The following DTNB variants were observed in gnomAD, a reference collection of about 807,000 sequenced individuals.
The protein encoded by DTNB is dystrobrevin beta, also known as DTN-B.
A neutral mutation model predicts 90.7 loss-of-function variants in DTNB; 63 were observed. The observed-to-expected ratio is 0.69, with a 90% CI of 0.57 to 0.86. DTNB has a LOEUF of 0.86. Ranked by LOEUF, DTNB falls within the 40% of genes least tolerant of loss-of-function variation. The pLI is 0.00. For missense variants in DTNB, 744 were observed against 807.1 expected, an observed-to-expected ratio of 0.92 and a Z score of 0.95; for synonymous variants, 277 against 286.7, an observed-to-expected ratio of 0.97 and a Z score of 0.34.
chr2:25,538,085 T>G (rs535570845), intron 8 of DTNB, among the ~76,000 whole-genome samples: 36 of 152,302 alleles, frequency 2.4e-4, no homozygotes, highest in African/African-American at 8.4e-4. Context: ...ACAGGTTATA[T>G]TTTTAAAATA....
intron 8 of DTNB, among the ~76,000 whole-genome samples, chr2:25,534,469 G>T (rs558278230): frequency 6.6e-6 from 1 of 151,440 alleles, no homozygotes; most frequent in African/African-American, 2.4e-5. Context: ...TTTTCTTTTC[G>T]ACAAAACCGC....
chr2:25,577,141 A>C, intron 7 of DTNB, 137 bp from the exon 8 acceptor site: 1 of 1,084,086 alleles, frequency 9.2e-7, no homozygotes, highest in Non-Finnish European at 1.3e-6. Flanking sequence ...ACAAAGGTAA[A>C]AATAAAAGTA....
chr2:25,433,540 G>A (rs1467730803), intron 13 of DTNB, among the ~76,000 whole-genome samples: 1 of 150,776 alleles, frequency 6.6e-6, no homozygotes, highest in African/African-American at 2.4e-5. Context: ...TTTTTTTTAA[G>A]GAGAGACCAG....
chr2:25,579,217 C>T (rs534141147), intron 7 of DTNB, among the ~76,000 whole-genome samples: 54 of 152,240 alleles, frequency 3.5e-4, no homozygotes, highest in African/African-American at 1.2e-3. Flanking sequence ...AAAAGCATTG[C>T]TCTCCAAAAT....
intron 9 of DTNB, among the ~76,000 whole-genome samples, chr2:25,513,751 C>CAAAAAAAAAAAAAAAAAAACA (rs766882625): frequency 9.4e-6 from 1 of 106,946 alleles, no homozygotes. Flanking sequence ...ACAAAACAAC[C>CAAAAAAAAAAAAAAAAAAACA]AAAAAAAAAA....
rs140720984 is a variant in DTNB at position 25,557,562 on chromosome 2, G to A, written c.876+19276C>T. 1.8e-3 allele frequency among the ~76,000 whole-genome samples: 278 copies of A among 152,218 alleles called. 2 individuals carry two copies. Among genetic ancestry groups the A allele is most frequent in the African/African-American group, 6.4e-3 (267 of 41,518 alleles). ...ACAGTGTTTTCCAAAGTTTTCTCAA[G>A]ATAAAAAATGTCCAGGGCCTTTGTT... On this transcript the variant is annotated intron_variant, in intron 8 of 20. Transcript: ENST00000406818.
At chr2:25,647,931 G>C (rs72852677) in intron 2 of DTNB, among the ~76,000 whole-genome samples, 1,750 of 151,988 alleles carry the variant, frequency 0.012, 34 homozygotes, top group African/African-American at 0.041. Context: ...TAAGTTGTTA[G>C]AAAAATAACA....
intron 10 of DTNB, among the ~76,000 whole-genome samples, chr2:25,472,886 CTAAA>C (rs1000632217): frequency 3.3e-5 from 5 of 152,272 alleles, no homozygotes; most frequent in Non-Finnish European, 7.4e-5. Context: ...AACTCCATCC[CTAAA>C]TAAATAAATA....
At position 25,441,208 on chromosome 2, in the gene DTNB, T is replaced by C. The variant is rs540968275; in HGVS notation, c.1258-7213A>G. ...AGTGAACATCCTAAGGCAATCTGTA[T>C]TGAACCAGGTTCACTCCAAAAACCC... On this transcript the variant is annotated intron_variant, in intron 12 of 20. Coordinates refer to ENST00000406818, the MANE Select transcript of DTNB (RefSeq NM_021907.5). Among the ~76,000 whole-genome samples the C allele has an allele frequency of 7.2e-5, 11 of 152,340 alleles. No individual in the cohort carries two copies. In the South Asian group the frequency reaches 1.7e-3, roughly 23 times the overall value.
chr2:25,458,255 A>G (rs544675110), intron 10 of DTNB, among the ~76,000 whole-genome samples: 2 of 152,334 alleles, frequency 1.3e-5, no homozygotes, highest in East Asian at 3.8e-4. Context: ...GTTTAGAAAT[A>G]ACTACAAAAA....
chr2:25,585,526 T>TC (rs2148267646), intron 6 of DTNB, among the ~76,000 whole-genome samples: 1 of 152,284 alleles, frequency 6.6e-6, no homozygotes, highest in South Asian at 2.1e-4. Context: ...CTTGACTACC[T>TC]CTTCCCATTT....
chr2:25,405,027 T>C (rs2044731594), intron 16 of DTNB, among the ~76,000 whole-genome samples: 1 of 152,126 alleles, frequency 6.6e-6, no homozygotes, highest in Admixed American at 6.5e-5. Context: ...CACCACAGCC[T>C]TGACCTCCTG....
chr2:25,526,689 C>A (rs912286290), intron 9 of DTNB, among the ~76,000 whole-genome samples: 4 of 151,990 alleles, frequency 2.6e-5, no homozygotes, highest in African/African-American at 9.7e-5. Context: ...AGCCACCATG[C>A]CCAGCCATAA....
At chr2:25,524,230 A>C (rs1216689372) in intron 9 of DTNB, among the ~76,000 whole-genome samples, 2 of 151,974 alleles carry the variant, frequency 1.3e-5, no homozygotes, top group Non-Finnish European at 2.9e-5. Flanking sequence ...CTTCTGATTG[A>C]TCTTGGTATC....
At chr2:25,509,916 A>G (rs1043421308) in intron 9 of DTNB, among the ~76,000 whole-genome samples, 1 of 151,756 alleles carries the variant, frequency 6.6e-6, no homozygotes. Flanking sequence ...ACACCTGGCT[A>G]ATTTTTGTAT....
intron 9 of DTNB, among the ~76,000 whole-genome samples, chr2:25,502,962 G>C (rs2071171351): frequency 7.0e-6 from 1 of 143,674 alleles, no homozygotes; most frequent in Non-Finnish European, 1.5e-5. Context: ...GCTGAAGTGG[G>C]AAGATCACCT....
At position 25,596,089 on chromosome 2, in the gene DTNB, C is replaced by A; in HGVS notation, c.600G>T (p.Gln200His). The A allele has an allele frequency of 1.2e-6, 2 of 1,603,136 alleles. No homozygotes were observed. The highest frequency in any genetic ancestry group is 2.3e-5 in the South Asian group (2 of 88,854). ...GATTCTATAAAACTGTCCTTACCTGCTGTGGAAAACAGGTGCGGACTGAGT... is the reference window on the plus strand; with the variant it reads ...GATTCTATAAAACTGTCCTTACCTGATGTGGAAAACAGGTGCGGACTGAGT... ...TEHSVRTCFPQQRKIMLNMFL... is the reference protein window; with the variant it reads ...TEHSVRTCFPHQRKIMLNMFL... The change falls in exon 6 of 21, where the codon CAG (glutamine) becomes CAT (histidine). Residue 200 changes from glutamine (Q) to histidine (H), a missense_variant. Coordinates refer to ENST00000406818, the MANE Select transcript of DTNB (RefSeq NM_021907.5).
At chr2:25,478,989 T>A (rs1211939100) in intron 10 of DTNB, among the ~76,000 whole-genome samples, 1 of 152,244 alleles carries the variant, frequency 6.6e-6, no homozygotes, top group Non-Finnish European at 1.5e-5. Context: ...CAGCTGCTTT[T>A]GTGATCTGTG....
intron 8 of DTNB, among the ~76,000 whole-genome samples, chr2:25,566,700 T>C (rs563657308): frequency 6.6e-5 from 10 of 152,286 alleles, no homozygotes; most frequent in South Asian, 6.2e-4. Flanking sequence ...TTGACCCTAA[T>C]AGTCAATGCA....
Sources: allele counts gnomAD v4.1 joint callset (sites outside exome capture counted in the v4.1 genomes callset), GRCh38; gene constraint gnomAD v4.1.1; transcripts MANE v1.5; gene names NCBI Gene and HGNC (gene_info 2026-07-23, HGNC 2026-07-21).